The following LRP1B variants were observed in gnomAD, a reference collection of about 807,000 sequenced individuals.
LRP1B encodes low-density lipoprotein receptor-related protein 1B.
A neutral mutation model predicts 556.6 loss-of-function variants in LRP1B; 217 were observed. That is an observed-to-expected ratio of 0.39 (90% CI 0.35 to 0.44). The LOEUF is 0.44. Ranked by LOEUF, LRP1B falls within the 20% of genes least tolerant of loss-of-function variation. The probability of loss-of-function intolerance (pLI) is 1.00; values close to 1 mark genes in which losing one functional copy is unlikely to be tolerated. For missense variants in LRP1B, 5,053 were observed against 5,620.8 expected (o/e 0.90, Z 3.23); for synonymous variants, 2,047 against 1,865.8 (o/e 1.10, Z -2.50).
intron 32 of LRP1B, among the ~76,000 whole-genome samples, chr2:140,806,442 A>G (rs1573743890): frequency 6.6e-6 from 1 of 152,322 alleles, no homozygotes; most frequent in East Asian, 1.9e-4. Flanking sequence ...ATACGGAATG[A>G]TATATAAATG....
intron 77 of LRP1B, among the ~76,000 whole-genome samples, chr2:140,345,811 T>C (rs952888374): frequency 2.3e-5 from 3 of 131,744 alleles, no homozygotes; most frequent in South Asian, 2.2e-4. Flanking sequence ...TATATACACA[T>C]ATATATACAT....
chr2:141,117,098 T>G (rs537275244), intron 7 of LRP1B, among the ~76,000 whole-genome samples: 16 of 152,164 alleles, frequency 1.1e-4, no homozygotes, highest in African/African-American at 3.8e-4. Flanking sequence ...GCCCCAAGTA[T>G]CTTTTCATTT....
chr2:141,761,178 T>C (rs1694531507), intron 2 of LRP1B, among the ~76,000 whole-genome samples: 1 of 152,160 alleles, frequency 6.6e-6, no homozygotes, highest in Non-Finnish European at 1.5e-5. Context: ...TAAAAAGAGA[T>C]TGCTTATCTA....
chr2:140,941,088 A>G (rs1257229723), intron 20 of LRP1B, among the ~76,000 whole-genome samples: 1 of 152,140 alleles, frequency 6.6e-6, no homozygotes, highest in Non-Finnish European at 1.5e-5. Context: ...CCTTGTCTAT[A>G]AGAAGTTTGG....
intron 3 of LRP1B, among the ~76,000 whole-genome samples, chr2:141,398,340 A>G (rs866021849): frequency 6.6e-6 from 1 of 152,194 alleles, no homozygotes; most frequent in African/African-American, 2.4e-5. Context: ...AGACCAAAAA[A>G]TATTTAAAGT....
intron 3 of LRP1B, among the ~76,000 whole-genome samples, chr2:141,405,406 T>C (rs1304850139): frequency 2.0e-5 from 3 of 152,164 alleles, no homozygotes; most frequent in Non-Finnish European, 1.5e-5. Context: ...ATTATAGAAC[T>C]ACATTAATTT....
In LRP1B at chr2:141,810,320, T is replaced by A; in HGVS notation, c.164A>T (p.Asp55Val). 6.2e-7 allele frequency: 1 copy of A among 1,613,104 alleles called. No individual in the cohort carries two copies. Among genetic ancestry groups the A allele is most frequent in the Non-Finnish European group, 8.5e-7 (1 of 1,179,512 alleles). The change falls in exon 2 of 91, where the codon GAC (aspartate) becomes GTC (valine). Residue 55 changes from aspartate to valine, a missense_variant. Physicochemically the swap from Asp to Val is radical, Grantham distance 152 (BLOSUM62 -3). Around this residue, in one of 5 missense-constraint regions of LRP1B, gnomAD observed 3,619 missense variants for 3,931.9 expected, o/e 0.92. Transcript: ENST00000389484. ...GTCTGAATCATCAGGGCAGTCAGGG[T>A]CCCCATCACACAGCCAGCTCTGGGA... ...CVSQSWLCDG[D>V]PDCPDDSDES...
chr2:141,764,407 C>T (rs567170266), intron 2 of LRP1B, among the ~76,000 whole-genome samples: 4 of 152,310 alleles, frequency 2.6e-5, no homozygotes, highest in Non-Finnish European at 5.9e-5. Flanking sequence ...TGGTCTTGAT[C>T]TCCTGACCTC....
chr2:142,004,332 G>A (rs777978744), intron 1 of LRP1B, among the ~76,000 whole-genome samples: 5 of 152,126 alleles, frequency 3.3e-5, no homozygotes, highest in Non-Finnish European at 7.4e-5. Flanking sequence ...AACACAAGGA[G>A]AGAATGACCT....
intron 1 of LRP1B, among the ~76,000 whole-genome samples, chr2:141,893,704 G>A (rs1259279775): frequency 6.6e-6 from 1 of 152,116 alleles, no homozygotes. Context: ...TTTTGAGATG[G>A]TTGGTGCTAA....
chr2:141,790,057 C>A (rs1230124577), intron 2 of LRP1B, among the ~76,000 whole-genome samples: 2 of 151,862 alleles, frequency 1.3e-5, no homozygotes. Flanking sequence ...TTAACAACGT[C>A]CTCCTACTGC....
At chr2:140,242,984 T>C (rs886590181) in intron 87 of LRP1B, among the ~76,000 whole-genome samples, 8 of 151,114 alleles carry the variant, frequency 5.3e-5, no homozygotes, top group Non-Finnish European at 1.0e-4. Flanking sequence ...AAGTGTTGTT[T>C]CCATAGCCAG....
At chr2:140,239,050 G>A (rs1396805401) in intron 88 of LRP1B, among the ~76,000 whole-genome samples, 2 of 150,820 alleles carry the variant, frequency 1.3e-5, no homozygotes, top group African/African-American at 4.8e-5. Flanking sequence ...TGAAAGAAAT[G>A]TACAAATTGG....
chr2:141,149,226 T>A (rs538702050), intron 7 of LRP1B, among the ~76,000 whole-genome samples: 1 of 151,844 alleles, frequency 6.6e-6, no homozygotes, highest in Non-Finnish European at 1.5e-5. Context: ...TTGGTGGTGG[T>A]GGTGTTTTGT....
At chr2:140,401,555 G>T (rs145870494) in intron 66 of LRP1B, among the ~76,000 whole-genome samples, 1 of 152,270 alleles carries the variant, frequency 6.6e-6, no homozygotes, top group East Asian at 1.9e-4. Context: ...CCTGAGATAG[G>T]CCCTGCCTGG....
intron 1 of LRP1B, among the ~76,000 whole-genome samples, chr2:141,980,433 A>T (rs1009044480): frequency 1.8e-4 from 27 of 152,140 alleles, no homozygotes; most frequent in African/African-American, 6.3e-4. Context: ...TTTCATCAAA[A>T]TATATATTAT....
intron 1 of LRP1B, among the ~76,000 whole-genome samples, chr2:141,829,949 T>A (rs1298077230): frequency 6.6e-6 from 1 of 151,924 alleles, no homozygotes; most frequent in Admixed American, 6.6e-5. Context: ...TTAGATGGTT[T>A]GGGGGTTTTG....
chr2:140,461,732 A>G (rs1033819536), intron 60 of LRP1B, among the ~76,000 whole-genome samples: 1 of 151,752 alleles, frequency 6.6e-6, no homozygotes. Flanking sequence ...TACTCAGGAG[A>G]CTGAGGCAGG....
intron 3 of LRP1B, among the ~76,000 whole-genome samples, chr2:141,470,455 A>G (rs954606189): frequency 6.6e-6 from 1 of 152,214 alleles, no homozygotes; most frequent in African/African-American, 2.4e-5. Context: ...TAGTTAGCTG[A>G]AAAATGTCTT....
Sources: gnomAD v4.1 joint callset for allele counts (sites outside exome capture counted in the v4.1 genomes callset) on GRCh38, gnomAD v4.1.1 for gene constraint, gnomAD v4.1.1 regional missense constraint, MANE v1.5 for transcripts, NCBI Gene and HGNC (gene_info 2026-07-23, HGNC 2026-07-21) for gene names.